Variants in ALDH4A1 observed in about 807,000 individuals in gnomAD.
The protein encoded by ALDH4A1 is delta-1-pyrroline-5-carboxylate dehydrogenase, mitochondrial.
A neutral mutation model predicts 70.5 loss-of-function variants in ALDH4A1; 46 were observed. The ratio of observed to expected loss-of-function variants is 0.65; its 90% CI spans 0.51 to 0.83. The LOEUF is 0.83. Among genes scored for constraint, ALDH4A1 ranks in the 40% least tolerant of loss-of-function variants. The pLI is 0.00. For synonymous variants in ALDH4A1, 323 were observed against 324.3 expected, an observed-to-expected ratio of 1.00 and a Z score of 0.04; for missense variants, 749 against 766.5, an observed-to-expected ratio of 0.98 and a Z score of 0.27.
In ALDH4A1 at chr1:18,883,523, C is replaced by T. The variant is rs373456414; in HGVS notation, c.454-95G>A. 116 of 1,561,102 alleles carry T rather than the reference C, an allele frequency of 7.4e-5. 1 individual carries two copies. The highest frequency in any genetic ancestry group is 2.1e-4 in the East Asian group (9 of 43,142). ...GCTGTGCCCAAAGCGAGCACTGAGCCGGGCCCCAGGAGGGACCAGGAAACA... is the reference window on the plus strand; with the variant it reads ...GCTGTGCCCAAAGCGAGCACTGAGCTGGGCCCCAGGAGGGACCAGGAAACA... On this transcript the variant is annotated intron_variant, in intron 5 of 14. Coordinates refer to ENST00000375341, the MANE Select transcript of ALDH4A1 (RefSeq NM_003748.4).
intron 1 of ALDH4A1, among the ~76,000 whole-genome samples, chr1:18,895,743 C>T (rs1447581144): frequency 6.6e-6 from 1 of 152,206 alleles, no homozygotes; most frequent in Non-Finnish European, 1.5e-5. Context: ...TGAAAAGACA[C>T]AGAGGGCCCA....
At chr1:18,902,416 G>A in intron 1 of ALDH4A1, 46 bp downstream of exon 1, 3 of 1,300,066 alleles carry the variant, frequency 2.3e-6, no homozygotes, top group Non-Finnish European at 2.9e-6. Flanking sequence ...AGGCTCCCGG[G>A]CCCCAGGCGC....
chr1:18,894,475 A>G lies in ALDH4A1; in HGVS notation c.63-4370T>C, dbSNP rs563734707. ...GGAGAATCACTTGAACCTGGGAGGT[A>G]GAGGTAGCAGTGAGCCCAGATCGTG... is the stretch of plus-strand genomic sequence containing the variant. On this transcript the variant is annotated intron_variant, in intron 1 of 14. Transcript: ENST00000375341. Among the ~76,000 whole-genome samples the G allele has an allele frequency of 2.0e-5, 3 of 152,388 alleles. No individual in the cohort carries two copies. The South Asian group carries it at 6.2e-4, about 32-fold the overall frequency.
intron 9 of ALDH4A1, among the ~76,000 whole-genome samples, chr1:18,877,855 A>C (rs1247579892): frequency 1.3e-5 from 2 of 152,170 alleles, no homozygotes; most frequent in African/African-American, 2.4e-5. Context: ...ATCAGAGGTG[A>C]TCAGGTCCAA....
At chr1:18,879,806 C>A (rs934634095) in intron 8 of ALDH4A1, among the ~76,000 whole-genome samples, 1 of 151,900 alleles carries the variant, frequency 6.6e-6, no homozygotes, top group Non-Finnish European at 1.5e-5. Flanking sequence ...AGGATCCCCC[C>A]CAAGCCCAGC....
At chr1:18,874,964 C>T (rs1302758798) in intron 13 of ALDH4A1, among the ~76,000 whole-genome samples, 1 of 152,248 alleles carries the variant, frequency 6.6e-6, no homozygotes, top group Non-Finnish European at 1.5e-5. Flanking sequence ...CAACCAGTGC[C>T]ACGGAGGAAA....
At chr1:18,901,249 G>A (rs766196669) in intron 1 of ALDH4A1, among the ~76,000 whole-genome samples, 5 of 152,056 alleles carry the variant, frequency 3.3e-5, no homozygotes, top group Non-Finnish European at 5.9e-5. Flanking sequence ...CTCTTCCTGC[G>A]CCCTTTCCTA....
At chr1:18,892,153 G>C (rs556327926) in intron 1 of ALDH4A1, among the ~76,000 whole-genome samples, 1 of 152,128 alleles carries the variant, frequency 6.6e-6, no homozygotes, top group East Asian at 1.9e-4. Context: ...AGACTGGCCC[G>C]GCTATGAGTG....
Position 18,872,925 on chromosome 1 carries a change from T to C in ALDH4A1, c.1612A>G (p.Ile538Val), listed in dbSNP as rs112222395. 3.7e-6 allele frequency: 6 copies of C among 1,613,848 alleles called. No homozygotes were observed. Among genetic ancestry groups the C allele is most frequent in the Non-Finnish European group, 5.1e-6 (6 of 1,179,992 alleles). ...ACCTGCGGCGACGTCCAGCGCAGGA[T>C]GTAGTGTGGGCCCCCTGGCTTGTCA... ...TNDKPGGPHY[I>V]LRWTSPQVIK... is the part of the protein sequence containing the mutation. Residue 538 changes from isoleucine (I) to valine (V), a missense_variant, in exon 15 of 15, where the codon ATC becomes GTC. Coordinates refer to ENST00000375341, the MANE Select transcript of ALDH4A1 (RefSeq NM_003748.4).
intron 9 of ALDH4A1, 150 bp from the exon 10 acceptor site, chr1:18,877,762 C>A: frequency 1.0e-6 from 1 of 954,562 alleles, no homozygotes; most frequent in Non-Finnish European, 1.5e-6. Flanking sequence ...TGAGCGCTGG[C>A]CAACATCCCA....
intron 1 of ALDH4A1, among the ~76,000 whole-genome samples, chr1:18,893,589 G>A (rs946647245): frequency 5.9e-5 from 9 of 151,774 alleles, no homozygotes; most frequent in African/African-American, 2.2e-4. Context: ...TGCAACCTCC[G>A]CCTCCCGAAT....
At chr1:18,876,535 AC>A in intron 11 of ALDH4A1, 68 bp from the exon 12 acceptor site, 1 of 1,498,952 alleles carries the variant, frequency 6.7e-7, no homozygotes, top group Non-Finnish European at 8.9e-7. Context: ...CCCCCACAAC[AC>A]ACTCACCCCG....
chr1:18,885,427 T>TTCCCCCCC lies in ALDH4A1; in HGVS notation c.453+45_453+46insGGGGGGGA. 68 of 650,922 alleles carry TTCCCCCCC rather than the reference T, an allele frequency of 1.0e-4. 4 individuals are homozygous for TTCCCCCCC. Among genetic ancestry groups the TTCCCCCCC allele is most frequent in the Non-Finnish European group, 1.6e-4 (60 of 367,430 alleles). 40.3% of individuals were successfully genotyped at this position (650,922 alleles called of 1,614,324 possible). ...CTGCCATGGGTAGGGCACACCTGAC[T>TTCCCCCCC]CCCACCCCACCCCGCCCCACCCACC... On this transcript the variant is annotated intron_variant, in intron 5 of 14. Transcript: ENST00000375341.
At chr1:18,881,266 A>G (rs919605407) in intron 8 of ALDH4A1, among the ~76,000 whole-genome samples, 3 of 151,830 alleles carry the variant, frequency 2.0e-5, no homozygotes, top group Admixed American at 6.6e-5. Flanking sequence ...CTCTCCCAAC[A>G]TATATATTCT....
chr1:18,890,067 T>C lies in ALDH4A1; in HGVS notation c.101A>G (p.Asn34Ser), dbSNP rs750484771. The C allele has an allele frequency of 4.3e-6, 7 of 1,613,044 alleles. No homozygotes were observed. Among genetic ancestry groups the C allele is most frequent in the Non-Finnish European group, 5.9e-6 (7 of 1,179,770 alleles). ...WKHTSSLKVA[N>S]EPVLAFTQGS... ...CTGCGTGAAGGCTAAGACGGGCTCGTTGGCCACCTTCAGGGAGGAGGTGTG... is the reference window on the plus strand; with the variant it reads ...CTGCGTGAAGGCTAAGACGGGCTCGCTGGCCACCTTCAGGGAGGAGGTGTG... Residue 34 changes from asparagine to serine, a missense_variant, in exon 2 of 15, where the codon AAC becomes AGC. Coordinates refer to ENST00000375341, the MANE Select transcript of ALDH4A1 (RefSeq NM_003748.4).
chr1:18,889,912 C>T (rs1214201561), intron 2 of ALDH4A1, 100 bp downstream of exon 2: 12 of 1,036,308 alleles, frequency 1.2e-5, no homozygotes, highest in African/African-American at 1.6e-5. Flanking sequence ...AGGGTAGAAG[C>T]GGGTGATGGC....
intron 1 of ALDH4A1, among the ~76,000 whole-genome samples, chr1:18,894,865 C>CTTTTTTTTTTT (rs34445898): frequency 2.8e-4 from 31 of 109,898 alleles, no homozygotes; most frequent in Non-Finnish European, 3.5e-4. Flanking sequence ...TTCTTTCTTT[C>CTTTTTTTTTTT]TTTTTTTTTT....
intron 3 of ALDH4A1, among the ~76,000 whole-genome samples, chr1:18,887,523 T>C (rs531498729): frequency 1.3e-4 from 20 of 151,978 alleles, no homozygotes; most frequent in South Asian, 4.2e-4. Flanking sequence ...GGCATGAACC[T>C]GGGAGGCGGA....
chr1:18,887,347 C>A (rs1405944011), intron 3 of ALDH4A1, among the ~76,000 whole-genome samples: 1 of 152,264 alleles, frequency 6.6e-6, no homozygotes, highest in Admixed American at 6.5e-5. Context: ...CACCTGTGAT[C>A]CCAGCACTTT....
Sources: gnomAD v4.1 joint callset for allele counts (sites outside exome capture counted in the v4.1 genomes callset) on GRCh38, gnomAD v4.1.1 for gene constraint, MANE v1.5 for transcripts, NCBI Gene and HGNC (gene_info 2026-07-23, HGNC 2026-07-21) for gene names.